The following CPQ variants were observed in gnomAD, a reference collection of about 807,000 sequenced individuals.
CPQ encodes carboxypeptidase Q, also known as Ser-Met dipeptidase.
In CPQ, 37 loss-of-function variants were observed where a neutral mutation model predicts 45.7. The observed-to-expected ratio is 0.81, with a 90% CI of 0.62 to 1.07. The LOEUF (loss-of-function observed/expected upper bound fraction) is 1.07. CPQ is among the 50% of genes least tolerant of loss of function. CPQ has a pLI of 0.00. For synonymous variants in CPQ, 186 were observed against 205.8 expected, an observed-to-expected ratio of 0.90 and a Z score of 0.82; for missense variants, 537 against 572.9, an observed-to-expected ratio of 0.94 and a Z score of 0.64.
intron 1 of CPQ, among the ~76,000 whole-genome samples, chr8:96,650,615 G>A (rs991158889): frequency 6.6e-6 from 1 of 152,136 alleles, no homozygotes; most frequent in African/African-American, 2.4e-5. Context: ...TCAACGCCTT[G>A]CCTTACCTTG....
chr8:96,789,462 A>G (rs1394519055), intron 2 of CPQ, among the ~76,000 whole-genome samples: 1 of 152,106 alleles, frequency 6.6e-6, no homozygotes, highest in Admixed American at 6.6e-5. Flanking sequence ...TGGGTTCCCT[A>G]TGAGTCACCC....
In CPQ at chr8:96,965,938, G is replaced by T; in HGVS notation, c.853G>T (p.Val285Leu). Residue 285 changes from valine to leucine, a missense_variant, in exon 5 of 8, where the codon GTA (valine) becomes TTA (leucine). Coordinates refer to ENST00000220763, the MANE Select transcript of CPQ (RefSeq NM_016134.4). ...ITGSKYPEQV[V>L]LVSGHLDSWD... ...AACTTTTTATTATTTGTTCTAGGTT[G>T]TACTGGTCAGTGGACATCTGGACAG... The T allele has an allele frequency of 1.2e-6, 2 of 1,607,884 alleles. No homozygotes were observed. The highest frequency in any genetic ancestry group is 1.7e-6 in the Non-Finnish European group (2 of 1,177,040).
At chr8:96,990,490 T>G (rs1035082667) in intron 5 of CPQ, among the ~76,000 whole-genome samples, 4 of 152,208 alleles carry the variant, frequency 2.6e-5, no homozygotes, top group African/African-American at 9.6e-5. Flanking sequence ...TTTGAGCTTT[T>G]GGGAGGGTAA....
chr8:96,831,802 A>C (rs1811463849), intron 2 of CPQ, among the ~76,000 whole-genome samples: 1 of 152,136 alleles, frequency 6.6e-6, no homozygotes, highest in Non-Finnish European at 1.5e-5. Flanking sequence ...AGATGCTGTC[A>C]TCTGTTTGTC....
chr8:96,745,072 A>G (rs533722698), intron 1 of CPQ, among the ~76,000 whole-genome samples: 33 of 152,274 alleles, frequency 2.2e-4, no homozygotes, highest in African/African-American at 7.5e-4. Flanking sequence ...CACTTTGGGA[A>G]GCCAACGTGG....
chr8:96,878,441 T>C (rs1350710005), intron 3 of CPQ, among the ~76,000 whole-genome samples: 1 of 152,224 alleles, frequency 6.6e-6, no homozygotes, highest in Non-Finnish European at 1.5e-5. Flanking sequence ...TAATTAATTA[T>C]TTCTGCAAAA....
At chr8:96,769,502 C>A (rs1810512237) in intron 1 of CPQ, among the ~76,000 whole-genome samples, 1 of 152,102 alleles carries the variant, frequency 6.6e-6, no homozygotes, top group Non-Finnish European at 1.5e-5. Context: ...TCATGGTCAG[C>A]CCAGCATCCT....
At chr8:96,892,064 G>A (rs1207359639) in intron 4 of CPQ, among the ~76,000 whole-genome samples, 1 of 152,126 alleles carries the variant, frequency 6.6e-6, no homozygotes, top group Non-Finnish European at 1.5e-5. Flanking sequence ...TTTAACTTCT[G>A]AATTCATTTG....
intron 1 of CPQ, among the ~76,000 whole-genome samples, chr8:96,741,962 G>C (rs1747361951): frequency 6.9e-6 from 1 of 144,464 alleles, no homozygotes; most frequent in African/African-American, 2.6e-5. Context: ...TTGATTTGGG[G>C]TGGAGAGTTC....
At chr8:96,862,774 T>TG (rs957998040) in intron 3 of CPQ, among the ~76,000 whole-genome samples, 3 of 152,080 alleles carry the variant, frequency 2.0e-5, no homozygotes, top group Non-Finnish European at 4.4e-5. Context: ...CTGTTTTGCT[T>TG]GTGGCTAAGT....
intron 3 of CPQ, among the ~76,000 whole-genome samples, chr8:96,876,594 G>A (rs1054202880): frequency 6.6e-5 from 10 of 152,002 alleles, no homozygotes; most frequent in African/African-American, 2.4e-4. Context: ...ATCAGATTGA[G>A]GAAGTTCTCT....
At chr8:97,036,142 A>G (rs1445447694) in intron 6 of CPQ, among the ~76,000 whole-genome samples, 1 of 152,170 alleles carries the variant, frequency 6.6e-6, no homozygotes, top group Non-Finnish European at 1.5e-5. Flanking sequence ...ACATCTTGGC[A>G]AGAGGAGGAC....
chr8:96,908,862 T>C (rs1364268203), intron 4 of CPQ, among the ~76,000 whole-genome samples: 1 of 152,084 alleles, frequency 6.6e-6, no homozygotes, highest in Non-Finnish European at 1.5e-5. Flanking sequence ...GATCTGGGCT[T>C]TCAGCCACAT....
At chr8:97,108,937 C>T (rs182133582) in intron 7 of CPQ, among the ~76,000 whole-genome samples, 4 of 152,300 alleles carry the variant, frequency 2.6e-5, no homozygotes, top group South Asian at 4.1e-4. Flanking sequence ...GTGACTCCAA[C>T]GTCCAACACA....
At chr8:96,749,424 G>C (rs1183434668) in intron 1 of CPQ, among the ~76,000 whole-genome samples, 1 of 152,194 alleles carries the variant, frequency 6.6e-6, no homozygotes, top group East Asian at 1.9e-4. Context: ...GCTTGGTTCT[G>C]TCTCAAATCT....
chr8:96,724,384 TGGTGGTATTTAGAGGTGGGGCCTTTA>T (rs1403021966), intron 1 of CPQ, among the ~76,000 whole-genome samples: 1 of 152,050 alleles, frequency 6.6e-6, no homozygotes, highest in Non-Finnish European at 1.5e-5. Flanking sequence ...ATCCCCAATG[TGGTGGTATTTAGAGGTGGGGCCTTTA>T]GGAGGTGATT....
chr8:96,792,128 C>T (rs1810853679), intron 2 of CPQ, among the ~76,000 whole-genome samples: 1 of 152,104 alleles, frequency 6.6e-6, no homozygotes, highest in South Asian at 2.1e-4. Context: ...ATTCACATGG[C>T]AGGATTGAGA....
chr8:96,795,224 C>T (rs1312484834), intron 2 of CPQ, among the ~76,000 whole-genome samples: 1 of 152,160 alleles, frequency 6.6e-6, no homozygotes, highest in Non-Finnish European at 1.5e-5. Context: ...CTGGGGAAGT[C>T]TCACAATCAT....
rs563326178 is a variant in CPQ at position 96,792,667 on chromosome 8, C to T, written c.433+7337C>T. 5.3e-5 allele frequency among the ~76,000 whole-genome samples: 8 copies of T among 152,268 alleles called. 1 individual carries two copies. In the South Asian group the frequency reaches 1.7e-3, roughly 32 times the overall value. On this transcript the variant is annotated intron_variant, in intron 2 of 7. Transcript: ENST00000220763. ...TATTCTCAACATCTAGCATCATACT[C>T]AGTAAATAGTTACTCATTTAGTTTA...
Sources: gnomAD v4.1 joint callset for allele counts (sites outside exome capture counted in the v4.1 genomes callset) on GRCh38, gnomAD v4.1.1 for gene constraint, MANE v1.5 for transcripts, NCBI Gene and HGNC (gene_info 2026-07-23, HGNC 2026-07-21) for gene names.